FHIT: variants seen among roughly 807,000 people sequenced by gnomAD.
FHIT encodes the protein fragile histidine triad diadenosine triphosphatase.
In FHIT, 19 loss-of-function variants were observed where a neutral mutation model predicts 17.9. That is an observed-to-expected ratio of 1.06 (90% CI 0.74 to 1.56). The LOEUF (loss-of-function observed/expected upper bound fraction) is 1.56, where lower values mean the gene tolerates loss of function less well. Among genes scored for constraint, FHIT ranks in the 40% most tolerant of loss-of-function variants. The pLI, the probability that FHIT is intolerant of heterozygous loss-of-function variation, is 0.00. For synonymous variants in FHIT, 81 were observed against 69.7 expected (o/e 1.16, Z -0.81); for missense variants, 248 against 189.2 (o/e 1.31, Z -1.82).
intron 2 of FHIT, among the ~76,000 whole-genome samples, chr3:61,173,984 C>A (rs1219989342): frequency 6.6e-6 from 1 of 152,160 alleles, no homozygotes; most frequent in African/African-American, 2.4e-5. Context: ...AAAAAGAACT[C>A]TTTTGATTGA....
At chr3:60,691,921 T>C (rs1342508893) in intron 4 of FHIT, among the ~76,000 whole-genome samples, 3 of 152,200 alleles carry the variant, frequency 2.0e-5, no homozygotes, top group African/African-American at 7.2e-5. Context: ...GTCTCTGAGA[T>C]ACTGTTCCCT....
chr3:60,638,031 A>G (rs2039632676), intron 4 of FHIT, among the ~76,000 whole-genome samples: 1 of 152,242 alleles, frequency 6.6e-6, no homozygotes, highest in African/African-American at 2.4e-5. Flanking sequence ...AATAAAAACA[A>G]TGAAAGTGGT....
chr3:59,817,015 G>C (rs1700622599), intron 8 of FHIT, among the ~76,000 whole-genome samples: 1 of 152,148 alleles, frequency 6.6e-6, no homozygotes, highest in South Asian at 2.1e-4. Context: ...CAGTGAAGAA[G>C]ATTCCCAGGG....
intron 4 of FHIT, among the ~76,000 whole-genome samples, chr3:60,551,293 A>T (rs1235616028): frequency 2.0e-5 from 3 of 150,566 alleles, no homozygotes; most frequent in Non-Finnish European, 4.4e-5. Flanking sequence ...TTCAGGGTCT[A>T]AATTTGACTT....
rs149027143 is a variant in FHIT, at chr3:60,076,939, C to T, written c.104-62787G>A. On this transcript the variant is annotated intron_variant, in intron 5 of 9. Transcript: ENST00000492590. ...ATCCAAGGAAAACAATAACTGAAAA[C>T]AATTTAAGGCAAAAAGTTAAGCTTC... Among the ~76,000 whole-genome samples, 94 of 151,988 alleles carry T rather than the reference C, an allele frequency of 6.2e-4. 1 individual carries two copies. Among genetic ancestry groups the T allele is most frequent in the Middle Eastern group, 6.8e-3 (2 of 294 alleles).
At chr3:60,274,343 A>C (rs1037270042) in intron 5 of FHIT, among the ~76,000 whole-genome samples, 1 of 152,172 alleles carries the variant, frequency 6.6e-6, no homozygotes, top group Non-Finnish European at 1.5e-5. Context: ...CTAACACCTT[A>C]ACACCTAATA....
At position 61,210,975 on chromosome 3, in the gene FHIT, C is replaced by G. The variant is rs562217031; in HGVS notation, c.-212-10310G>C. 5.9e-5 allele frequency among the ~76,000 whole-genome samples: 9 copies of G among 151,744 alleles called. No homozygotes were observed. The South Asian group carries it at 1.7e-3, about 28-fold the overall frequency. On this transcript the variant is annotated intron_variant, in intron 1 of 9. Coordinates refer to ENST00000492590, the MANE Select transcript of FHIT (RefSeq NM_002012.4). The stretch of plus-strand genomic sequence containing the variant: ...TCCCCCGTTTTTTATTGACATATAA[C>G]AAATTATCCAAAAACTAGATATTTA...
At chr3:60,904,224 T>A (rs1231012874) in intron 3 of FHIT, among the ~76,000 whole-genome samples, 4 of 152,200 alleles carry the variant, frequency 2.6e-5, no homozygotes, top group African/African-American at 9.7e-5. Flanking sequence ...ATTCCCAATC[T>A]TCCTGCCTAG....
At chr3:60,246,293 A>G (rs1186631399) in intron 5 of FHIT, among the ~76,000 whole-genome samples, 1 of 152,144 alleles carries the variant, frequency 6.6e-6, no homozygotes, top group Non-Finnish European at 1.5e-5. Flanking sequence ...AAGGAGGAAA[A>G]CCAAATCATT....
chr3:60,466,212 T>C (rs773244898), intron 5 of FHIT, among the ~76,000 whole-genome samples: 6 of 152,138 alleles, frequency 3.9e-5, no homozygotes, highest in Non-Finnish European at 7.4e-5. Flanking sequence ...AAAATGCTAC[T>C]GATTTTTGTA....
intron 7 of FHIT, among the ~76,000 whole-genome samples, chr3:59,985,934 C>G (rs1411511059): frequency 6.6e-6 from 1 of 151,768 alleles, no homozygotes; most frequent in South Asian, 2.1e-4. Context: ...GTACTATACT[C>G]CCCTCTCACA....
Position 60,000,839 on chromosome 3 carries a change from G to A in FHIT, c.279+10532C>T, listed in dbSNP as rs376388083. Among the ~76,000 whole-genome samples, 34 of 152,100 alleles carry A rather than the reference G, an allele frequency of 2.2e-4. 1 individual carries two copies. The highest frequency in any genetic ancestry group is 7.2e-4 in the African/African-American group (30 of 41,514). ...ATAAGTCCCAGTGTAACGGCTCCCCGCCCACTCTTCCCACTTCTCTCCTGC... is the reference window on the plus strand; with the variant it reads ...ATAAGTCCCAGTGTAACGGCTCCCCACCCACTCTTCCCACTTCTCTCCTGC... On this transcript the variant is annotated intron_variant, in intron 7 of 9. Transcript: ENST00000492590.
chr3:59,750,081 T>C (rs1302654170), intron 9 of FHIT: 1 of 225,570 alleles, frequency 4.4e-6, no homozygotes, highest in Admixed American at 5.7e-5. Flanking sequence ...GTAAATATCT[T>C]TCTGGTAAGA....
At position 60,858,916 on chromosome 3, in the gene FHIT, A is replaced by C. The variant is rs1489507481; in HGVS notation, c.-110-36905T>G. Among the ~76,000 whole-genome samples, 4 of 152,144 alleles carry C rather than the reference A, an allele frequency of 2.6e-5. No individual in the cohort carries two copies. In the South Asian group the frequency reaches 6.2e-4, roughly 24 times the overall value. On this transcript the variant is annotated intron_variant, in intron 3 of 9. Transcript: ENST00000492590. ...CCTAAGTGCAACAGGATGATTTAAA[A>C]AGCACCATGATAGTGTTCCCCCAGG...
intron 3 of FHIT, among the ~76,000 whole-genome samples, chr3:60,827,796 A>G (rs1435867777): frequency 1.3e-5 from 2 of 152,226 alleles, no homozygotes; most frequent in Admixed American, 6.5e-5. Flanking sequence ...GGAAAGAATC[A>G]TATGGCCTCT....
intron 8 of FHIT, among the ~76,000 whole-genome samples, chr3:59,807,067 T>C (rs1336125297): frequency 6.6e-6 from 1 of 152,156 alleles, no homozygotes; most frequent in East Asian, 1.9e-4. Context: ...CCCTCTCTTA[T>C]CCAAAATTCT....
At chr3:60,409,007 G>T (rs1039898849) in intron 5 of FHIT, among the ~76,000 whole-genome samples, 1 of 152,020 alleles carries the variant, frequency 6.6e-6, no homozygotes, top group African/African-American at 2.4e-5. Context: ...GGGCTCAAAC[G>T]CCAACTTTGC....
intron 8 of FHIT, among the ~76,000 whole-genome samples, chr3:59,877,756 A>G (rs762121776): frequency 2.0e-5 from 3 of 152,234 alleles, no homozygotes; most frequent in Non-Finnish European, 2.9e-5. Context: ...ATGATTTCTT[A>G]TATCTCTCCA....
intron 2 of FHIT, among the ~76,000 whole-genome samples, chr3:61,176,477 T>A (rs2038159386): frequency 6.6e-6 from 1 of 152,222 alleles, no homozygotes; most frequent in African/African-American, 2.4e-5. Flanking sequence ...AATCTTTCAC[T>A]GCAACAACTT....
Sources: allele counts gnomAD v4.1 joint callset (sites outside exome capture counted in the v4.1 genomes callset), GRCh38; gene constraint gnomAD v4.1.1; transcripts MANE v1.5; gene names NCBI Gene and HGNC (gene_info 2026-07-23, HGNC 2026-07-21).